The following ANO4 variants were observed in gnomAD, a reference collection of about 807,000 sequenced individuals.
The protein encoded by ANO4 is anoctamin 4.
Under a neutral mutation model 141.9 loss-of-function variants are expected in ANO4, and 69 were observed. That is an observed-to-expected ratio of 0.49 (90% CI 0.40 to 0.59). The LOEUF (loss-of-function observed/expected upper bound fraction) is 0.59, where lower values mean the gene tolerates loss of function less well. Among genes scored for constraint, ANO4 ranks in the 20% least tolerant of loss-of-function variants. ANO4 has a pLI of 0.00. For missense variants in ANO4, 894 were observed against 1,162.2 expected (o/e 0.77, Z 3.36); for synonymous variants, 350 against 394.3 (o/e 0.89, Z 1.33).
chr12:100,906,029 G>A (rs1378699612), intron 2 of ANO4, among the ~76,000 whole-genome samples: 1 of 152,136 alleles, frequency 6.6e-6, no homozygotes, highest in Non-Finnish European at 1.5e-5. Flanking sequence ...ATGGAGAGGG[G>A]AAATATGTTT....
chr12:100,897,570 GAA>G (rs2040407688), intron 1 of ANO4, among the ~76,000 whole-genome samples: 1 of 152,196 alleles, frequency 6.6e-6, no homozygotes, highest in South Asian at 2.1e-4. Context: ...GAAGGAATCC[GAA>G]AACTGCACAA....
In ANO4 at chr12:100,765,308, C is replaced by T. The variant is rs2135536480; in HGVS notation, c.358+25203C>T. ...GATACTTTCTCATTCATTTATAATT[C>T]TATTTGAGTATTCTCTTGTTTTCCA... On this transcript the variant is annotated intron_variant, in intron 3 of 29. Transcript: ENST00000644049. 1.3e-5 allele frequency among the ~76,000 whole-genome samples: 2 copies of T among 150,400 alleles called. 1 individual carries two copies.
At chr12:101,074,805 G>A (rs576162774) in intron 14 of ANO4, among the ~76,000 whole-genome samples, 1 of 152,216 alleles carries the variant, frequency 6.6e-6, no homozygotes, top group Non-Finnish European at 1.5e-5. Context: ...TTTCTTATAA[G>A]CATATGAAAA....
intron 1 of ANO4, among the ~76,000 whole-genome samples, chr12:100,894,083 A>G (rs529389579): frequency 2.0e-4 from 30 of 152,272 alleles, no homozygotes; most frequent in African/African-American, 3.4e-4. Context: ...TTTCTTTTCA[A>G]TGCGCTTAAA....
intron 2 of ANO4, among the ~76,000 whole-genome samples, chr12:100,909,427 C>A (rs765700363): frequency 3.3e-5 from 5 of 151,990 alleles, no homozygotes; most frequent in African/African-American, 1.2e-4. Context: ...CTACACACAG[C>A]GAGGGAGAAG....
chr12:100,880,553 A>C (rs1406624083), intron 1 of ANO4, among the ~76,000 whole-genome samples: 2 of 152,174 alleles, frequency 1.3e-5, no homozygotes, highest in Admixed American at 1.3e-4. Context: ...TAATGCTCCA[A>C]AGTTAATTTA....
chr12:100,904,392 T>C (rs1469436009), intron 2 of ANO4, among the ~76,000 whole-genome samples: 1 of 148,586 alleles, frequency 6.7e-6, no homozygotes, highest in Non-Finnish European at 1.5e-5. Flanking sequence ...ATAAGTATTA[T>C]GGATAAAAGA....
rs181079157 is a variant in ANO4, at chr12:100,973,751, G to T, written c.558-1094G>T. 1.5e-3 allele frequency among the ~76,000 whole-genome samples: 236 copies of T among 152,298 alleles called. 1 individual carries two copies. Among genetic ancestry groups the T allele is most frequent in the African/African-American group, 5.5e-3 (228 of 41,574 alleles). On this transcript the variant is annotated intron_variant, in intron 6 of 27. Coordinates refer to ENST00000392977, the MANE Select transcript of ANO4 (RefSeq NM_001286615.2). ...TAGTTTACTCTAGGGTTGACTCTGT[G>T]TGTGTGGTTCTGTGGGTTTTGACAA...
chr12:101,020,264 T>C (rs2046468165), intron 9 of ANO4, 124 bp downstream of exon 9: 1 of 638,442 alleles, frequency 1.6e-6, no homozygotes, highest in Non-Finnish European at 2.7e-6. Context: ...CCCTAACTAA[T>C]CCTTTGATGA....
At chr12:101,011,996 A>G (rs1010767527) in intron 8 of ANO4, among the ~76,000 whole-genome samples, 1 of 152,122 alleles carries the variant, frequency 6.6e-6, no homozygotes, top group Non-Finnish European at 1.5e-5. Flanking sequence ...AAAAAAATGG[A>G]AAAACCATCT....
intron 8 of ANO4, among the ~76,000 whole-genome samples, chr12:101,001,271 G>C (rs1324259247): frequency 1.3e-5 from 2 of 152,210 alleles, no homozygotes; most frequent in African/African-American, 4.8e-5. Flanking sequence ...GTATACGTAT[G>C]TAGTCACACT....
intron 3 of ANO4, among the ~76,000 whole-genome samples, chr12:100,785,991 T>A (rs1333199784): frequency 1.3e-5 from 2 of 152,192 alleles, no homozygotes; most frequent in African/African-American, 4.8e-5. Flanking sequence ...CATGTCACAG[T>A]CCTTTAAAAT....
intron 24 of ANO4, among the ~76,000 whole-genome samples, 168 bp from the exon 25 acceptor site, chr12:101,116,511 A>G (rs978905883): frequency 1.3e-5 from 2 of 152,218 alleles, no homozygotes; most frequent in South Asian, 4.1e-4. Flanking sequence ...TCCTGATTCA[A>G]CATGCCCAGG....
chr12:101,116,542 C>T, intron 24 of ANO4, 137 bp from the exon 25 acceptor site: 3 of 1,259,182 alleles, frequency 2.4e-6, no homozygotes, highest in Non-Finnish European at 3.4e-6. Context: ...GTATCCCAAC[C>T]TGAGTCCTGG....
intron 1 of ANO4, among the ~76,000 whole-genome samples, chr12:100,801,323 A>G (rs2034676763): frequency 6.6e-6 from 1 of 152,150 alleles, no homozygotes; most frequent in Non-Finnish European, 1.5e-5. Context: ...GTGACTATGA[A>G]TTATACTGAG....
chr12:100,957,519 C>T (rs2043219022), intron 5 of ANO4, among the ~76,000 whole-genome samples: 1 of 152,174 alleles, frequency 6.6e-6, no homozygotes, highest in African/African-American at 2.4e-5. Context: ...TTAAATTGTC[C>T]AAAAATGTCA....
At chr12:101,022,041 CA>C (rs34942464) in intron 9 of ANO4, among the ~76,000 whole-genome samples, 14,331 of 76,008 alleles carry the variant, frequency 0.19, 417 homozygotes, top group Non-Finnish European at 0.23. Flanking sequence ...ATGACTCTGC[CA>C]AAAAAAAAAA....
chr12:100,994,239 T>G (rs1421666591), intron 8 of ANO4, among the ~76,000 whole-genome samples: 1 of 152,212 alleles, frequency 6.6e-6, no homozygotes, highest in African/African-American at 2.4e-5. Flanking sequence ...ACCCATTCTC[T>G]GTGATAAATT....
chr12:100,768,696 G>A (rs765151973), intron 3 of ANO4, among the ~76,000 whole-genome samples: 15 of 152,052 alleles, frequency 9.9e-5, no homozygotes, highest in Admixed American at 2.6e-4. Context: ...GCTTTGAGTC[G>A]TAAATGCCAT....
Sources: gnomAD v4.1 joint callset for allele counts (sites outside exome capture counted in the v4.1 genomes callset) on GRCh38, gnomAD v4.1.1 for gene constraint, MANE v1.5 for transcripts, NCBI Gene and HGNC (gene_info 2026-07-23, HGNC 2026-07-21) for gene names.